The following FNIP1 variants were observed in gnomAD, a reference collection of about 807,000 sequenced individuals.
FNIP1 encodes the protein folliculin interacting protein 1, also known as folliculin-interacting protein 1.
Under a neutral mutation model 124.5 loss-of-function variants are expected in FNIP1, and 40 were observed. The ratio of observed to expected loss-of-function variants is 0.32; its 90% CI spans 0.25 to 0.42. The LOEUF (loss-of-function observed/expected upper bound fraction) is 0.42, where lower values mean the gene tolerates loss of function less well. Ranked by LOEUF, FNIP1 falls within the 10% of genes least tolerant of loss-of-function variation. The pLI is 1.00. For synonymous variants in FNIP1, 472 were observed against 470.6 expected (o/e 1.00, Z -0.04); for missense variants, 1,176 against 1,403.7 (o/e 0.84, Z 2.59).
chr5:131,787,596 G>A (rs1185296772), intron 1 of FNIP1, among the ~76,000 whole-genome samples: 1 of 152,160 alleles, frequency 6.6e-6, no homozygotes, highest in African/African-American at 2.4e-5. Context: ...TAATAGCCAC[G>A]TGACATGGGG....
chr5:131,736,865 T>A (rs1056608277), intron 2 of FNIP1, among the ~76,000 whole-genome samples: 1 of 152,276 alleles, frequency 6.6e-6, no homozygotes, highest in Non-Finnish European at 1.5e-5. Flanking sequence ...GAAATACACA[T>A]TGACGTATTC....
In FNIP1 at chr5:131,688,700, A is replaced by AT. The variant is rs1299678503; in HGVS notation, c.1203-9526dup. ...AAAAAATCAAAAGGAAATGCTAGCA[A>AT]TTAAAAAAAAAAAAAAAAGGAGCAG... On this transcript the variant is annotated intron_variant, in intron 11 of 17. Coordinates refer to ENST00000510461, the MANE Select transcript of FNIP1 (RefSeq NM_133372.3). Among the ~76,000 whole-genome samples the AT allele has an allele frequency of 4.1e-3, 449 of 109,848 alleles. 3 individuals are homozygous for AT. Among genetic ancestry groups the AT allele is most frequent in the African/African-American group, 0.012 (427 of 35,362 alleles). 72.1% of individuals were successfully genotyped at this position (109,848 alleles called of 152,430 possible).
intron 1 of FNIP1, among the ~76,000 whole-genome samples, chr5:131,790,478 CAAAAA>C (rs56699008): frequency 8.4e-4 from 59 of 70,594 alleles, no homozygotes; most frequent in African/African-American, 2.1e-3. Flanking sequence ...GAACCTGTCT[CAAAAA>C]AAAAAAAAAA....
At chr5:131,757,542 G>A (rs1011086262) in intron 1 of FNIP1, among the ~76,000 whole-genome samples, 2 of 151,946 alleles carry the variant, frequency 1.3e-5, no homozygotes, top group Non-Finnish European at 2.9e-5. Flanking sequence ...ATAGTGACAG[G>A]GCCAAGTTAC....
At chr5:131,717,479 T>C (rs1769509363) in intron 5 of FNIP1, among the ~76,000 whole-genome samples, 1 of 152,180 alleles carries the variant, frequency 6.6e-6, no homozygotes, top group South Asian at 2.1e-4. Flanking sequence ...CTGATTTAGA[T>C]TACAAACAAG....
intron 1 of FNIP1, among the ~76,000 whole-genome samples, chr5:131,751,079 A>C (rs1433450002): frequency 6.6e-6 from 1 of 152,126 alleles, no homozygotes; most frequent in African/African-American, 2.4e-5. Context: ...CTTTGCTTAG[A>C]TGTAAAGCTC....
rs748794540 is a variant in FNIP1 at position 131,672,957 on chromosome 5, C to A, written c.1520-33G>T. On this transcript the variant is annotated intron_variant, in intron 13 of 17. Transcript: ENST00000510461. ...GGAAAAAATCAGTTATTGGACATGT[C>A]CTTTACTGACACAGCTAAGTAAGCT... 1.3e-5 allele frequency: 18 copies of A among 1,416,720 alleles called. No homozygotes were observed. The South Asian group carries it at 2.6e-4, about 20-fold the overall frequency. 87.8% of individuals were successfully genotyped at this position (1,416,720 alleles called of 1,614,324 possible). A position where few individuals can be genotyped will look rare whatever the true frequency, so the allele number is the denominator to read the frequency against.
At chr5:131,720,002 C>T (rs986512218) in intron 3 of FNIP1, among the ~76,000 whole-genome samples, 1 of 152,002 alleles carries the variant, frequency 6.6e-6, no homozygotes, top group Non-Finnish European at 1.5e-5. Flanking sequence ...CACATGAAAC[C>T]ACAGAAGACC....
intron 2 of FNIP1, among the ~76,000 whole-genome samples, chr5:131,735,315 C>T (rs981214834): frequency 6.6e-5 from 10 of 151,768 alleles, no homozygotes; most frequent in African/African-American, 9.7e-5. Context: ...GCTGTGGGGT[C>T]GGGGGAGCGG....
Position 131,641,963 on chromosome 5 carries a change from T to G in FNIP1, c.*2722A>C, listed in dbSNP as rs1352912242. 6.5e-6 allele frequency: 1 copy of G among 152,760 alleles called. No homozygotes were observed. Among genetic ancestry groups the G allele is most frequent in the Non-Finnish European group, 1.5e-5 (1 of 68,030 alleles). 9.5% of individuals were successfully genotyped at this position (152,760 alleles called of 1,614,324 possible). On this transcript the variant is annotated 3_prime_UTR_variant, in exon 18 of 18. Transcript: ENST00000510461. ...TGGAACAAAACAAAATCTGTACTAG[T>G]ATGTTTTTATTGCACTTAACATTTT...
At chr5:131,675,118 C>A (rs1179287411) in intron 13 of FNIP1, among the ~76,000 whole-genome samples, 1 of 152,172 alleles carries the variant, frequency 6.6e-6, no homozygotes, top group Non-Finnish European at 1.5e-5. Flanking sequence ...GCACAAAGCC[C>A]CAGTTAAACT....
chr5:131,696,069 A>C (rs1419250685), intron 11 of FNIP1, among the ~76,000 whole-genome samples: 1 of 152,228 alleles, frequency 6.6e-6, no homozygotes, highest in Non-Finnish European at 1.5e-5. Context: ...ATACAACTCA[A>C]AGAAATTGTC....
chr5:131,734,042 C>T (rs1770198043), intron 2 of FNIP1, among the ~76,000 whole-genome samples: 1 of 152,102 alleles, frequency 6.6e-6, no homozygotes, highest in African/African-American at 2.4e-5. Flanking sequence ...TCAACTTCTT[C>T]CTGGTTTAGT....
At chr5:131,746,520 T>C (rs116298070) in intron 1 of FNIP1, among the ~76,000 whole-genome samples, 2,834 of 152,310 alleles carry the variant, frequency 0.019, 92 homozygotes, top group African/African-American at 0.064. Context: ...ACTGAGAACA[T>C]GCGGTATCTG....
At chr5:131,686,291 T>C (rs1027320840) in intron 11 of FNIP1, among the ~76,000 whole-genome samples, 2 of 152,154 alleles carry the variant, frequency 1.3e-5, no homozygotes, top group African/African-American at 4.8e-5. Context: ...TATAGTTCCA[T>C]TATAGTAGTG....
At chr5:131,722,732 C>T (rs769816366) in intron 3 of FNIP1, among the ~76,000 whole-genome samples, 3 of 152,336 alleles carry the variant, frequency 2.0e-5, no homozygotes, top group East Asian at 1.9e-4. Context: ...GTCGCCCAGG[C>T]TGGAGTGCAA....
chr5:131,700,493 C>T (rs1016325897), intron 10 of FNIP1, among the ~76,000 whole-genome samples: 1 of 151,940 alleles, frequency 6.6e-6, no homozygotes, highest in African/African-American at 2.4e-5. Context: ...TACTTTAGGC[C>T]AGAAATCATG....
Position 131,796,923 on chromosome 5 carries a change from C to T in FNIP1, c.-2G>A. On this transcript the variant is annotated 5_prime_UTR_variant, in exon 1 of 18. Transcript: ENST00000510461. Reference sequence around the variant, plus strand: ...CTTCTGGAACAGCGTAGGGGCCATGCTAGCCACGGCCAGGCAGGGGTCGCT... The same window carrying T: ...CTTCTGGAACAGCGTAGGGGCCATGTTAGCCACGGCCAGGCAGGGGTCGCT... 1 of 1,601,278 alleles carries T rather than the reference C, an allele frequency of 6.2e-7. No homozygotes were observed. The highest frequency in any genetic ancestry group is 8.5e-7 in the Non-Finnish European group (1 of 1,174,654).
intron 2 of FNIP1, among the ~76,000 whole-genome samples, chr5:131,731,479 C>A (rs572234248): frequency 9.2e-5 from 14 of 152,058 alleles, no homozygotes; most frequent in Admixed American, 8.5e-4. Context: ...CAGGGAGAAA[C>A]CCTGTCTCTA....
Sources: allele counts gnomAD v4.1 joint callset (sites outside exome capture counted in the v4.1 genomes callset), GRCh38; gene constraint gnomAD v4.1.1; transcripts MANE v1.5; gene names NCBI Gene and HGNC (gene_info 2026-07-23, HGNC 2026-07-21).